UST: variants seen among roughly 807,000 people sequenced by gnomAD.
The protein encoded by UST is uronyl 2-sulfotransferase, also known as chondroitin sulfate 2-O-sulfotransferase.
In UST, 21 loss-of-function variants were observed where a neutral mutation model predicts 45.6. That is an observed-to-expected ratio of 0.46 (90% CI 0.33 to 0.66). The LOEUF (loss-of-function observed/expected upper bound fraction) is 0.66, where lower values mean the gene tolerates loss of function less well. Among genes scored for constraint, UST ranks in the 30% least tolerant of loss-of-function variants. The probability of loss-of-function intolerance (pLI) is 0.02; values close to 1 mark genes in which losing one functional copy is unlikely to be tolerated. For missense variants in UST, 463 were observed against 512.4 expected, an observed-to-expected ratio of 0.90 and a Z score of 0.93; for synonymous variants, 215 against 200.6, an observed-to-expected ratio of 1.07 and a Z score of -0.61.
intron 2 of UST, among the ~76,000 whole-genome samples, chr6:148,917,503 G>A (rs980464724): frequency 6.6e-6 from 1 of 152,190 alleles, no homozygotes; most frequent in Non-Finnish European, 1.5e-5. Flanking sequence ...GAATTACGTG[G>A]CGTGCTGTTA....
At chr6:148,915,837 G>GT (rs1779578448) in intron 2 of UST, among the ~76,000 whole-genome samples, 1 of 152,184 alleles carries the variant, frequency 6.6e-6, no homozygotes, top group Admixed American at 6.5e-5. Flanking sequence ...CTCAACTCAG[G>GT]TTTGCCCAAG....
intron 1 of UST, among the ~76,000 whole-genome samples, chr6:148,789,845 G>A (rs1202964648): frequency 2.0e-5 from 3 of 151,904 alleles, no homozygotes; most frequent in African/African-American, 4.8e-5. Context: ...AGATCCACCC[G>A]TCTCAGTTTC....
chr6:148,831,522 A>T (rs1430006872), intron 1 of UST, among the ~76,000 whole-genome samples: 1 of 152,192 alleles, frequency 6.6e-6, no homozygotes, highest in Non-Finnish European at 1.5e-5. Context: ...GCAGACATTT[A>T]TATAGTGCTT....
intron 2 of UST, among the ~76,000 whole-genome samples, chr6:148,888,178 G>A (rs954733080): frequency 1.3e-5 from 2 of 152,170 alleles, no homozygotes; most frequent in African/African-American, 4.8e-5. Context: ...CGCATCTTAC[G>A]TGGCCAGAGC....
intron 3 of UST, among the ~76,000 whole-genome samples, chr6:148,944,121 T>A (rs759635615): frequency 2.0e-5 from 3 of 152,218 alleles, no homozygotes; most frequent in Non-Finnish European, 4.4e-5. Flanking sequence ...CCTTTTTTGG[T>A]AATTTATTAG....
At chr6:148,805,440 G>A (rs1777129588) in intron 1 of UST, among the ~76,000 whole-genome samples, 2 of 152,144 alleles carry the variant, frequency 1.3e-5, no homozygotes, top group South Asian at 2.1e-4. Context: ...AAGTTTTTGT[G>A]TTTTTGTTTT....
intron 7 of UST, among the ~76,000 whole-genome samples, chr6:149,053,098 G>C (rs1776512396): frequency 6.6e-6 from 1 of 152,102 alleles, no homozygotes; most frequent in Non-Finnish European, 1.5e-5. Context: ...AACAAAACTT[G>C]ATTAATGAAC....
chr6:148,920,328 G>A (rs1040538088), intron 2 of UST, among the ~76,000 whole-genome samples: 1 of 148,660 alleles, frequency 6.7e-6, no homozygotes, highest in African/African-American at 2.6e-5. Context: ...ATTGCTGTAC[G>A]TTTTGAGACA....
chr6:148,841,977 G>A (rs575229978), intron 1 of UST, among the ~76,000 whole-genome samples: 14 of 152,220 alleles, frequency 9.2e-5, no homozygotes, highest in Non-Finnish European at 1.8e-4. Context: ...GTGGTGGCAC[G>A]TGCCTGTAAT....
chr6:148,993,180 G>A (rs1390394660), intron 5 of UST: 2 of 544,836 alleles, frequency 3.7e-6, no homozygotes, highest in Non-Finnish European at 4.7e-6. Flanking sequence ...GGGCAAGAAA[G>A]TGGAATAAGA....
chr6:148,894,814 CTTTTTTTTT>C (rs760698349), intron 2 of UST, among the ~76,000 whole-genome samples: 2 of 93,708 alleles, frequency 2.1e-5, no homozygotes, highest in South Asian at 4.0e-4. Context: ...AATTTCAGTG[CTTTTTTTTT>C]TTTTTTTTTT....
At chr6:148,817,948 A>G (rs1051418083) in intron 1 of UST, among the ~76,000 whole-genome samples, 1 of 152,192 alleles carries the variant, frequency 6.6e-6, no homozygotes, top group Admixed American at 6.5e-5. Context: ...TCACACTACA[A>G]TGACAGAGTT....
chr6:148,975,757 A>G (rs1781004000), intron 5 of UST, among the ~76,000 whole-genome samples: 1 of 152,226 alleles, frequency 6.6e-6, no homozygotes, highest in South Asian at 2.1e-4. Flanking sequence ...AAGGAACCCA[A>G]CATACATCAA....
chr6:148,869,882 A>G (rs1582865588), intron 1 of UST, among the ~76,000 whole-genome samples: 1 of 152,212 alleles, frequency 6.6e-6, no homozygotes, highest in Non-Finnish European at 1.5e-5. Flanking sequence ...ACACCAGGCC[A>G]TGGGCCAGAA....
intron 7 of UST, among the ~76,000 whole-genome samples, chr6:149,057,894 G>C (rs1776590227): frequency 1.3e-5 from 2 of 152,042 alleles, no homozygotes; most frequent in Admixed American, 6.5e-5. Flanking sequence ...TTATATTCTT[G>C]TTTTCCTAAG....
intron 5 of UST, among the ~76,000 whole-genome samples, chr6:148,975,939 CT>C (rs2114973753): frequency 6.6e-6 from 1 of 152,224 alleles, no homozygotes; most frequent in Admixed American, 6.5e-5. Context: ...TTAGATTTGT[CT>C]TTAGATAATT....
intron 1 of UST, among the ~76,000 whole-genome samples, chr6:148,781,060 T>G (rs1317190808): frequency 6.6e-6 from 1 of 152,122 alleles, no homozygotes; most frequent in Non-Finnish European, 1.5e-5. Flanking sequence ...CAATGGCCTC[T>G]AAGTGTTGAA....
Position 148,877,075 on chromosome 6 carries a change from G to A in UST, c.248-9911G>A, listed in dbSNP as rs185170797. Reference sequence around the variant, plus strand: ...GGTTTGTGTATGAGTGGGGGGTTATGTATTATTGTGGGGGTCGTGTATGAG... The same window carrying A: ...GGTTTGTGTATGAGTGGGGGGTTATATATTATTGTGGGGGTCGTGTATGAG... On this transcript the variant is annotated intron_variant, in intron 1 of 7. Coordinates refer to ENST00000367463, the MANE Select transcript of UST (RefSeq NM_005715.3). Among the ~76,000 whole-genome samples, 58 of 42,070 alleles carry A rather than the reference G, an allele frequency of 1.4e-3. 2 individuals carry two copies. Among genetic ancestry groups the A allele is most frequent in the South Asian group, 1.7e-3 (1 of 584 alleles). The allele number at this position is 42,070 out of a possible 152,430, so 27.6% of individuals were successfully genotyped here. A position where few individuals can be genotyped will look rare whatever the true frequency, so the allele number is the denominator to read the frequency against.
At chr6:148,847,727 T>C (rs1362822496) in intron 1 of UST, among the ~76,000 whole-genome samples, 3 of 152,216 alleles carry the variant, frequency 2.0e-5, no homozygotes, top group African/African-American at 7.2e-5. Context: ...AAAGAGAATA[T>C]TATATTTTTT....
Sources: gnomAD v4.1 joint callset for allele counts (sites outside exome capture counted in the v4.1 genomes callset) on GRCh38, gnomAD v4.1.1 for gene constraint, MANE v1.5 for transcripts, NCBI Gene and HGNC (gene_info 2026-07-23, HGNC 2026-07-21) for gene names.